Variants in KCNJ3 observed in about 807,000 individuals in gnomAD.
KCNJ3 encodes the protein G protein-activated inward rectifier potassium channel 1.
Under a neutral mutation model 39.2 loss-of-function variants are expected in KCNJ3, and 4 were observed. That is an observed-to-expected ratio of 0.10 (90% CI 0.05 to 0.23). The LOEUF is 0.23. Ranked by LOEUF, KCNJ3 falls within the 10% of genes least tolerant of loss-of-function variation. The probability of loss-of-function intolerance (pLI) is 1.00; values close to 1 mark genes in which losing one functional copy is unlikely to be tolerated. For missense variants in KCNJ3, 276 were observed against 634.9 expected (o/e 0.43, Z 6.08); for synonymous variants, 230 against 237.4 (o/e 0.97, Z 0.29).
At chr2:154,738,745 A>G (rs1685592641) in intron 2 of KCNJ3, among the ~76,000 whole-genome samples, 1 of 152,104 alleles carries the variant, frequency 6.6e-6, no homozygotes, top group Non-Finnish European at 1.5e-5. Flanking sequence ...AAAGGGAGAA[A>G]AGAAGCCAAG....
intron 2 of KCNJ3, among the ~76,000 whole-genome samples, chr2:154,738,165 C>G (rs1685579650): frequency 6.6e-6 from 1 of 152,036 alleles, no homozygotes; most frequent in Non-Finnish European, 1.5e-5. Context: ...GTGAAACGAG[C>G]CAGGCACAGA....
intron 2 of KCNJ3, among the ~76,000 whole-genome samples, chr2:154,836,826 C>G (rs1047294509): frequency 6.6e-6 from 1 of 152,120 alleles, no homozygotes; most frequent in African/African-American, 2.4e-5. Flanking sequence ...TATTCAGGCC[C>G]TGTTTTAAGC....
intron 2 of KCNJ3, among the ~76,000 whole-genome samples, chr2:154,735,238 C>T (rs1487735903): frequency 6.6e-6 from 1 of 151,976 alleles, no homozygotes; most frequent in Non-Finnish European, 1.5e-5. Flanking sequence ...AGGGGCCCGC[C>T]ACCATGCCTG....
At chr2:154,762,538 C>T (rs989089266) in intron 2 of KCNJ3, among the ~76,000 whole-genome samples, 4 of 152,198 alleles carry the variant, frequency 2.6e-5, no homozygotes, top group Admixed American at 1.3e-4. Context: ...CTGATAGTCA[C>T]TTCTTTACAG....
At chr2:154,800,703 C>A (rs1365891961) in intron 2 of KCNJ3, among the ~76,000 whole-genome samples, 1 of 152,088 alleles carries the variant, frequency 6.6e-6, no homozygotes, top group Non-Finnish European at 1.5e-5. Context: ...TTTCCTGTTT[C>A]ATTGATCTTG....
chr2:154,721,272 T>A (rs1166157645), intron 2 of KCNJ3, among the ~76,000 whole-genome samples: 1 of 152,166 alleles, frequency 6.6e-6, no homozygotes, highest in Non-Finnish European at 1.5e-5. Context: ...GGGTAGGCTT[T>A]GTTCTTGAAC....
chr2:154,825,549 T>A (rs1295445264), intron 2 of KCNJ3, among the ~76,000 whole-genome samples: 1 of 33,582 alleles, frequency 3.0e-5, no homozygotes, highest in Non-Finnish European at 1.5e-4. Context: ...AAATTATTTA[T>A]TTATTTATTT....
intron 2 of KCNJ3, among the ~76,000 whole-genome samples, chr2:154,810,827 C>T (rs550729789): frequency 0.011 from 406 of 38,250 alleles, 1 homozygote; most frequent in South Asian, 0.04. Context: ...ACTGCAATGG[C>T]TAAAGACATA....
chr2:154,752,504 T>C (rs1193657547), intron 2 of KCNJ3, among the ~76,000 whole-genome samples: 4 of 152,056 alleles, frequency 2.6e-5, no homozygotes, highest in East Asian at 3.8e-4. Context: ...TATAAGCTAG[T>C]AATTTACTAA....
chr2:154,800,121 C>G (rs1418018505), intron 2 of KCNJ3, among the ~76,000 whole-genome samples: 1 of 152,162 alleles, frequency 6.6e-6, no homozygotes, highest in African/African-American at 2.4e-5. Context: ...ATGCTCAAAA[C>G]AAGATGTACA....
intron 2 of KCNJ3, among the ~76,000 whole-genome samples, chr2:154,722,385 T>A (rs1055220691): frequency 1.3e-5 from 2 of 152,104 alleles, no homozygotes; most frequent in African/African-American, 4.8e-5. Flanking sequence ...GAGATCACAG[T>A]TTAAGCTTGG....
At chr2:154,773,846 C>A (rs1041923753) in intron 2 of KCNJ3, among the ~76,000 whole-genome samples, 1 of 152,044 alleles carries the variant, frequency 6.6e-6, no homozygotes, top group African/African-American at 2.4e-5. Flanking sequence ...TAACTTTCTT[C>A]GATACTTTGT....
At chr2:154,764,848 C>T (rs1686105042) in intron 2 of KCNJ3, among the ~76,000 whole-genome samples, 1 of 152,110 alleles carries the variant, frequency 6.6e-6, no homozygotes, top group African/African-American at 2.4e-5. Context: ...TCAACACTAG[C>T]CCTCTCTTGG....
At chr2:154,719,141 G>C (rs1685227400) in intron 2 of KCNJ3, among the ~76,000 whole-genome samples, 1 of 152,094 alleles carries the variant, frequency 6.6e-6, no homozygotes, top group Non-Finnish European at 1.5e-5. Context: ...TAGATTTACA[G>C]TGTTAAAATG....
At chr2:154,729,726 T>C (rs2105166279) in intron 2 of KCNJ3, among the ~76,000 whole-genome samples, 1 of 152,268 alleles carries the variant, frequency 6.6e-6, no homozygotes, top group Non-Finnish European at 1.5e-5. Context: ...TATAAAGCAA[T>C]ACAGACTACA....
intron 2 of KCNJ3, among the ~76,000 whole-genome samples, chr2:154,726,673 C>G (rs137957008): frequency 6.6e-6 from 1 of 151,918 alleles, no homozygotes; most frequent in East Asian, 1.9e-4. Flanking sequence ...ATGTTTATAG[C>G]AAGCAGCACA....
chr2:154,771,542 T>A (rs1686242138), intron 2 of KCNJ3, among the ~76,000 whole-genome samples: 1 of 152,008 alleles, frequency 6.6e-6, no homozygotes, highest in South Asian at 2.1e-4. Flanking sequence ...TAGCTAAAGG[T>A]ATAAAAATGA....
chr2:154,813,879 A>G (rs1687040897), intron 2 of KCNJ3, among the ~76,000 whole-genome samples: 1 of 152,222 alleles, frequency 6.6e-6, no homozygotes, highest in Non-Finnish European at 1.5e-5. Context: ...CTCTTACTGA[A>G]CCAGAGATAA....
chr2:154,798,101 A>C (rs1204731261), intron 2 of KCNJ3, among the ~76,000 whole-genome samples: 7 of 151,794 alleles, frequency 4.6e-5, no homozygotes. Flanking sequence ...CAAAGCATTC[A>C]CATACACCCC....
Sources: allele counts gnomAD v4.1 joint callset (sites outside exome capture counted in the v4.1 genomes callset), GRCh38; gene constraint gnomAD v4.1.1; transcripts MANE v1.5; gene names NCBI Gene and HGNC (gene_info 2026-07-23, HGNC 2026-07-21).